DNAH11: variants seen among roughly 807,000 people sequenced by gnomAD.
DNAH11 encodes dynein axonemal heavy chain 11, also known as axonemal beta dynein heavy chain 11.
DNAH11 carries 442 observed loss-of-function variants against 526.0 expected under a neutral mutation model. That is an observed-to-expected ratio of 0.84 (90% CI 0.78 to 0.91). The LOEUF (loss-of-function observed/expected upper bound fraction) is 0.91, where lower values mean the gene tolerates loss of function less well. DNAH11 is among the 40% of genes least tolerant of loss of function. The pLI is 0.00. For synonymous variants in DNAH11, 2,461 were observed against 1,935.9 expected (o/e 1.27, Z -7.12); for missense variants, 6,989 against 5,448.7 (o/e 1.28, Z -8.90).
rs1251622229 is a variant in DNAH11 at position 21,687,183 on chromosome 7, C to T, written c.5706C>T (p.Thr1902=). Reference sequence around the variant, plus strand: ...CAGCTGGTACCGGGAAAACAGAGACCACCAAAGACCTAGGACGTGCCCTTG... The same window carrying T: ...CAGCTGGTACCGGGAAAACAGAGACTACCAAAGACCTAGGACGTGCCCTTG... ...AGPAGTGKTE[T]TKDLGRALGM... is the part of the protein sequence containing the mutation. Residue 1902 remains threonine, a synonymous_variant, in exon 33 of 82, where the codon ACC becomes ACT. Transcript: ENST00000409508. 4 of 1,612,230 alleles carry T rather than the reference C, an allele frequency of 2.5e-6. No individual in the cohort carries two copies. Among genetic ancestry groups the T allele is most frequent in the Non-Finnish European group, 3.4e-6 (4 of 1,179,150 alleles).
In DNAH11 at chr7:21,842,700, G is replaced by A. The variant is rs757295555; in HGVS notation, c.10848G>A (p.Leu3616=). 6.2e-7 allele frequency: 1 copy of A among 1,613,578 alleles called. No homozygotes were observed. Among genetic ancestry groups the A allele is most frequent in the Non-Finnish European group, 8.5e-7 (1 of 1,179,692 alleles). The stretch of plus-strand genomic sequence containing the variant: ...CAGAAGATGGTCTAGAAGCCCAGCT[G>A]CTGGCAGAGGTTGTCAGTATTGAAA... ...TVTEDGLEAQ[L]LAEVVSIERP... is the part of the protein sequence containing the mutation. The change falls in exon 66 of 82, where the codon CTG becomes CTA. Residue 3616 remains leucine (L), a synonymous_variant. Transcript: ENST00000409508.
chr7:21,571,015 A>T (rs1751580125), intron 7 of DNAH11, among the ~76,000 whole-genome samples: 1 of 152,166 alleles, frequency 6.6e-6, no homozygotes, highest in Non-Finnish European at 1.5e-5. Context: ...TGTCTTGAGA[A>T]TTCTCGTAAT....
intron 66 of DNAH11, among the ~76,000 whole-genome samples, chr7:21,847,903 C>A (rs185779401): frequency 6.6e-6 from 1 of 152,058 alleles, no homozygotes; most frequent in Non-Finnish European, 1.5e-5. Context: ...CAGTGGCTCA[C>A]GCCTGTAATC....
chr7:21,711,961 G>A (rs1189660904), intron 42 of DNAH11, 101 bp downstream of exon 42: 9 of 1,338,050 alleles, frequency 6.7e-6, no homozygotes, highest in Non-Finnish European at 9.3e-6. Flanking sequence ...TTGCACAGCT[G>A]TCACCACCAT....
intron 65 of DNAH11, among the ~76,000 whole-genome samples, chr7:21,832,865 C>G (rs780274271): frequency 1.3e-5 from 2 of 152,132 alleles, no homozygotes; most frequent in African/African-American, 4.8e-5. Flanking sequence ...CTCTCTGATC[C>G]TTTTACAGGA....
intron 73 of DNAH11, among the ~76,000 whole-genome samples, chr7:21,872,123 C>CAAAAAAAAAAAAAA (rs776718319): frequency 0.092 from 2,840 of 30,816 alleles, 980 homozygotes; most frequent in Non-Finnish European, 0.13. Context: ...GACTCTGTCT[C>CAAAAAAAAAAAAAA]AAAAAAAAAA....
chr7:21,739,290 A>G (rs958356669), intron 47 of DNAH11, among the ~76,000 whole-genome samples: 1 of 152,188 alleles, frequency 6.6e-6, no homozygotes, highest in African/African-American at 2.4e-5. Flanking sequence ...TGCTATGGGT[A>G]CAAGATAGTT....
At chr7:21,734,221 A>G (rs1421834470) in intron 45 of DNAH11, among the ~76,000 whole-genome samples, 1 of 152,214 alleles carries the variant, frequency 6.6e-6, no homozygotes. Flanking sequence ...CCTCTGAAAT[A>G]AAAATAACAA....
chr7:21,666,036 A>C (rs1782409509), intron 30 of DNAH11, among the ~76,000 whole-genome samples: 1 of 152,192 alleles, frequency 6.6e-6, no homozygotes, highest in Non-Finnish European at 1.5e-5. Flanking sequence ...TTAGTCATTT[A>C]AAATAGCTTA....
intron 54 of DNAH11, among the ~76,000 whole-genome samples, chr7:21,753,552 C>T (rs985797541): frequency 1.7e-4 from 26 of 151,942 alleles, no homozygotes; most frequent in African/African-American, 6.0e-4. Flanking sequence ...GTTATTTTTC[C>T]CAAAAAGATG....
At chr7:21,546,883 T>C (rs1562651421) in intron 2 of DNAH11, among the ~76,000 whole-genome samples, 1 of 152,168 alleles carries the variant, frequency 6.6e-6, no homozygotes, top group African/African-American at 2.4e-5. Context: ...AGTAATTGTA[T>C]TGAATGGTTT....
intron 9 of DNAH11, among the ~76,000 whole-genome samples, chr7:21,585,514 T>A (rs922056339): frequency 6.6e-6 from 1 of 152,234 alleles, no homozygotes; most frequent in African/African-American, 2.4e-5. Flanking sequence ...GCACCGGAAC[T>A]GAGCGCTATT....
rs753843919 is a variant in DNAH11 at position 21,748,624 on chromosome 7, T to A, written c.8555T>A (p.Leu2852His). 6.2e-7 allele frequency: 1 copy of A among 1,612,328 alleles called. No homozygotes were observed. Among genetic ancestry groups the A allele is most frequent in the African/African-American group, 1.3e-5 (1 of 75,012 alleles). Reference sequence around the variant, plus strand: ...TTACGAACCCCTCAGGGCTGTGCTCTCTTGGTTGGAGTTGGGGGCAGTGGC... The same window carrying A: ...TTACGAACCCCTCAGGGCTGTGCTCACTTGGTTGGAGTTGGGGGCAGTGGC... Reference protein sequence around the residue: ...RILRTPQGCALLVGVGGSGKQ... With the variant: ...RILRTPQGCAHLVGVGGSGKQ... Residue 2852 changes from leucine to histidine, a missense_variant, in exon 52 of 82, where the codon CTC becomes CAC. Transcript: ENST00000409508.
chr7:21,716,301 G>A (rs1220266433), intron 42 of DNAH11, among the ~76,000 whole-genome samples: 1 of 152,048 alleles, frequency 6.6e-6, no homozygotes, highest in Non-Finnish European at 1.5e-5. Flanking sequence ...CTGAGTTTCC[G>A]AATGCCACCA....
chr7:21,773,402 T>A (rs1787522775), intron 55 of DNAH11, among the ~76,000 whole-genome samples: 1 of 152,076 alleles, frequency 6.6e-6, no homozygotes, highest in African/African-American at 2.4e-5. Context: ...AAGCTTAGTT[T>A]GAAAGCAATG....
At chr7:21,722,556 A>G (rs1030819418) in intron 44 of DNAH11, among the ~76,000 whole-genome samples, 2 of 152,142 alleles carry the variant, frequency 1.3e-5, no homozygotes, top group Admixed American at 1.3e-4. Context: ...CTAGGTTACC[A>G]TAACTCATGC....
chr7:21,835,736 G>A (rs1477683877), intron 65 of DNAH11, among the ~76,000 whole-genome samples: 1 of 151,924 alleles, frequency 6.6e-6, no homozygotes, highest in Non-Finnish European at 1.5e-5. Flanking sequence ...CTTCTATTCA[G>A]CACAATACTG....
chr7:21,549,347 T>C (rs989527299), intron 2 of DNAH11, among the ~76,000 whole-genome samples: 1 of 152,196 alleles, frequency 6.6e-6, no homozygotes, highest in Non-Finnish European at 1.5e-5. Flanking sequence ...TGAGGGCTTG[T>C]ACTGAAAATT....
intron 65 of DNAH11, among the ~76,000 whole-genome samples, chr7:21,825,507 C>A (rs1216175916): frequency 6.6e-6 from 1 of 152,158 alleles, no homozygotes; most frequent in Non-Finnish European, 1.5e-5. Context: ...TGGAGTCTTT[C>A]AGAGAACTGA....
Sources: allele counts gnomAD v4.1 joint callset (sites outside exome capture counted in the v4.1 genomes callset), GRCh38; gene constraint gnomAD v4.1.1; transcripts MANE v1.5; gene names NCBI Gene and HGNC (gene_info 2026-07-23, HGNC 2026-07-21).